Variants in COL4A3 observed in about 807,000 individuals in gnomAD.
COL4A3 encodes collagen type IV alpha 3 chain.
In COL4A3, 135 loss-of-function variants were observed where a neutral mutation model predicts 217.4. The ratio of observed to expected loss-of-function variants is 0.62; its 90% CI spans 0.54 to 0.72. The LOEUF is 0.72. Ranked by LOEUF, COL4A3 falls within the 30% of genes least tolerant of loss-of-function variation. The pLI, the probability that COL4A3 is intolerant of heterozygous loss-of-function variation, is 0.00. For synonymous variants in COL4A3, 690 were observed against 736.3 expected, an observed-to-expected ratio of 0.94 and a Z score of 1.02; for missense variants, 1,868 against 2,119.9, an observed-to-expected ratio of 0.88 and a Z score of 2.33.
chr2:227,208,757 C>T (rs772954983), intron 1 of COL4A3, among the ~76,000 whole-genome samples: 17 of 139,320 alleles, frequency 1.2e-4, no homozygotes, highest in Non-Finnish European at 2.0e-4. Flanking sequence ...ACCCATTAGG[C>T]GGTTGGTTAC....
chr2:227,182,371 CA>C (rs1387110339), intron 1 of COL4A3, among the ~76,000 whole-genome samples: 3 of 152,178 alleles, frequency 2.0e-5, no homozygotes, highest in Non-Finnish European at 4.4e-5. Context: ...CACATTGGCT[CA>C]AGATCATTCA....
chr2:227,233,346 T>A (rs1002255150), intron 1 of COL4A3, among the ~76,000 whole-genome samples: 1 of 139,392 alleles, frequency 7.2e-6, no homozygotes, highest in Non-Finnish European at 1.6e-5. Flanking sequence ...AAAAAAAAAA[T>A]TCTAAAACTG....
intron 9 of COL4A3, among the ~76,000 whole-genome samples, chr2:227,249,230 A>ATATATATATATATATATTTTTTTTTT: frequency 6.8e-5 from 1 of 14,692 alleles, no homozygotes; most frequent in African/African-American, 2.7e-4. Flanking sequence ...ATATATATAT[A>ATATATATATATATATATTTTTTTTTT]TTTTTTTTTT....
intron 26 of COL4A3, among the ~76,000 whole-genome samples, 195 bp from the exon 27 acceptor site, chr2:227,276,190 T>C (rs947609769): frequency 2.6e-5 from 4 of 152,262 alleles, no homozygotes; most frequent in East Asian, 1.9e-4. Context: ...TCTACACTTA[T>C]AAATATTTGT....
chr2:227,307,137 T>C (rs1046617052), intron 47 of COL4A3, among the ~76,000 whole-genome samples: 5 of 152,116 alleles, frequency 3.3e-5, no homozygotes, highest in African/African-American at 9.7e-5. Flanking sequence ...TTAACTCATA[T>C]AAATAAACTA....
At chr2:227,260,244 C>A (rs544666445) in intron 19 of COL4A3, among the ~76,000 whole-genome samples, 5 of 152,282 alleles carry the variant, frequency 3.3e-5, no homozygotes, top group Admixed American at 6.5e-5. Flanking sequence ...GGAACTGAAA[C>A]CCTGGTTTCC....
intron 16 of COL4A3, 126 bp from the exon 17 acceptor site, chr2:227,256,217 C>G (rs2070161161): frequency 8.9e-7 from 1 of 1,125,060 alleles, no homozygotes; most frequent in African/African-American, 1.5e-5. Flanking sequence ...GTTTTACATC[C>G]CCACTGTGAA....
chr2:227,238,596 T>A (rs1247952364), intron 2 of COL4A3, among the ~76,000 whole-genome samples: 1 of 152,200 alleles, frequency 6.6e-6, no homozygotes, highest in African/African-American at 2.4e-5. Context: ...ATAATTAAGA[T>A]AGAGGCAGAA....
intron 26 of COL4A3, among the ~76,000 whole-genome samples, 178 bp downstream of exon 26, chr2:227,273,295 T>C (rs1306256828): frequency 6.6e-6 from 1 of 152,244 alleles, no homozygotes; most frequent in African/African-American, 2.4e-5. Context: ...AACTCATTTT[T>C]TCTCCATTAC....
At chr2:227,266,608 AC>A (rs1667845469) in intron 22 of COL4A3, 99 bp downstream of exon 22, 2 of 888,790 alleles carry the variant, frequency 2.3e-6, no homozygotes, top group Non-Finnish European at 3.7e-6. Flanking sequence ...CCAAATAGCT[AC>A]CAGTCAGTGA....
chr2:227,293,846 A>G (rs2072899138), intron 38 of COL4A3: 1 of 463,256 alleles, frequency 2.2e-6, no homozygotes, highest in Non-Finnish European at 4.5e-6. Context: ...GTGTTTTCCA[A>G]GTGTCTGAAT....
chr2:227,249,230 A>ATATATATATATATATATATTTTT, intron 9 of COL4A3, among the ~76,000 whole-genome samples: 1 of 14,686 alleles, frequency 6.8e-5, no homozygotes, highest in Non-Finnish European at 1.2e-4. Context: ...ATATATATAT[A>ATATATATATATATATATATTTTT]TTTTTTTTTT....
At chr2:227,230,236 G>A (rs62277839) in intron 1 of COL4A3, among the ~76,000 whole-genome samples, 27,395 of 151,976 alleles carry the variant, frequency 0.18, 2,606 homozygotes, top group Middle Eastern at 0.24. Flanking sequence ...AAGTAAGGCC[G>A]TAAAACAGAA....
chr2:227,287,770 G>A (rs548254132), intron 34 of COL4A3, among the ~76,000 whole-genome samples: 14 of 152,238 alleles, frequency 9.2e-5, no homozygotes, highest in African/African-American at 2.4e-4. Flanking sequence ...ATTCTTCCCT[G>A]TAGTATATTG....
intron 3 of COL4A3, among the ~76,000 whole-genome samples, chr2:227,243,329 G>A (rs1270947524): frequency 1.3e-5 from 2 of 152,176 alleles, no homozygotes; most frequent in Non-Finnish European, 2.9e-5. Context: ...CAGACAATTA[G>A]AGAATATTAA....
chr2:227,178,323 C>T (rs1171883637), intron 1 of COL4A3, among the ~76,000 whole-genome samples: 2 of 152,048 alleles, frequency 1.3e-5, no homozygotes, highest in African/African-American at 4.8e-5. Flanking sequence ...GTGGAGGCTA[C>T]AGCGAGCTGA....
At chr2:227,169,899 T>C (rs2065415535) in intron 1 of COL4A3, among the ~76,000 whole-genome samples, 1 of 152,196 alleles carries the variant, frequency 6.6e-6, no homozygotes, top group Non-Finnish European at 1.5e-5. Flanking sequence ...ACCACACTGT[T>C]TTGATCACTA....
intron 25 of COL4A3, 127 bp from the exon 26 acceptor site, chr2:227,272,822 A>G: frequency 9.6e-7 from 1 of 1,038,738 alleles, no homozygotes; most frequent in South Asian, 1.3e-5. Context: ...TTCTCATCAA[A>G]TGCCAAATGC....
At position 227,290,809 on chromosome 2, in the gene COL4A3, G is replaced by C; in HGVS notation, c.3133G>C (p.Gly1045Arg). 1 of 1,613,814 alleles carries C rather than the reference G, an allele frequency of 6.2e-7. No individual in the cohort carries two copies. The highest frequency in any genetic ancestry group is 8.5e-7 in the Non-Finnish European group (1 of 1,179,996). ...PGRAGRPGLP[G>R]IHGLQGDKGE... Reference sequence around the variant, plus strand: ...TCGAGCAGGAAGACCAGGCCTCCCAGGTATTCATGGTCTCCAGGGAGATAA... The same window carrying C: ...TCGAGCAGGAAGACCAGGCCTCCCACGTATTCATGGTCTCCAGGGAGATAA... Residue 1045 changes from glycine (G) to arginine (R), a missense_variant, in exon 37 of 52, where the codon GGT becomes CGT. By Grantham distance (125) the Gly-to-Arg change is moderately radical. This residue lies in a region of COL4A3 where 1,503 missense variants were observed against 1,786.1 expected (regional missense o/e 0.84). Coordinates refer to ENST00000396578, the MANE Select transcript of COL4A3 (RefSeq NM_000091.5).
Sources: gnomAD v4.1 joint callset for allele counts (sites outside exome capture counted in the v4.1 genomes callset) on GRCh38, gnomAD v4.1.1 for gene constraint, gnomAD v4.1.1 regional missense constraint, MANE v1.5 for transcripts, NCBI Gene and HGNC (gene_info 2026-07-23, HGNC 2026-07-21) for gene names.